DCC: variants seen among roughly 807,000 people sequenced by gnomAD.
DCC encodes the protein netrin receptor DCC.
A neutral mutation model predicts 172.5 loss-of-function variants in DCC; 58 were observed. That is an observed-to-expected ratio of 0.34 (90% CI 0.27 to 0.42). DCC has a LOEUF of 0.42. Among genes scored for constraint, DCC ranks in the 10% least tolerant of loss-of-function variants. The pLI is 1.00. For synonymous variants in DCC, 709 were observed against 644.5 expected (o/e 1.10, Z -1.52); for missense variants, 1,740 against 1,791.0 (o/e 0.97, Z 0.51).
chr18:53,295,855 C>T (rs770478921), intron 12 of DCC, among the ~76,000 whole-genome samples: 57 of 152,262 alleles, frequency 3.7e-4, no homozygotes, highest in Admixed American at 6.5e-4. Flanking sequence ...ACTTGTCCTC[C>T]TTTGCATTTG....
intron 2 of DCC, among the ~76,000 whole-genome samples, chr18:52,827,008 T>C (rs948077709): frequency 6.6e-6 from 1 of 152,206 alleles, no homozygotes; most frequent in African/African-American, 2.4e-5. Flanking sequence ...TTAGGGTATA[T>C]GGGTGGATGC....
At chr18:52,459,568 T>C (rs571990888) in intron 1 of DCC, among the ~76,000 whole-genome samples, 8 of 151,994 alleles carry the variant, frequency 5.3e-5, no homozygotes, top group South Asian at 2.1e-4. Flanking sequence ...CCCGGGTTCA[T>C]GCCATTCTTC....
chr18:53,500,218 G>A (rs890452506), intron 27 of DCC, among the ~76,000 whole-genome samples: 12 of 152,246 alleles, frequency 7.9e-5, no homozygotes, highest in Admixed American at 3.9e-4. Flanking sequence ...TGAGGAGGGG[G>A]AGAGAGAGGC....
At chr18:53,430,007 G>A (rs1324737448) in intron 21 of DCC, among the ~76,000 whole-genome samples, 1 of 152,122 alleles carries the variant, frequency 6.6e-6, no homozygotes, top group Non-Finnish European at 1.5e-5. Flanking sequence ...CTGGTAAACC[G>A]ATCTTTTAGA....
chr18:52,491,446 A>G (rs1228781344), intron 1 of DCC, among the ~76,000 whole-genome samples: 2 of 152,120 alleles, frequency 1.3e-5, no homozygotes, highest in African/African-American at 4.8e-5. Flanking sequence ...ATCTTAGGAG[A>G]TAGGGAGAAG....
At chr18:53,271,529 G>A (rs2056749345) in intron 12 of DCC, among the ~76,000 whole-genome samples, 1 of 152,142 alleles carries the variant, frequency 6.6e-6, no homozygotes, top group East Asian at 1.9e-4. Flanking sequence ...TCATACATTT[G>A]GCTGTTGGCA....
chr18:53,406,155 C>T (rs1175994895), intron 19 of DCC, among the ~76,000 whole-genome samples: 2 of 152,122 alleles, frequency 1.3e-5, no homozygotes, highest in Non-Finnish European at 2.9e-5. Flanking sequence ...AGATTGTTTC[C>T]TTATTAATAC....
intron 1 of DCC, among the ~76,000 whole-genome samples, chr18:52,527,266 C>A (rs1354649078): frequency 2.0e-5 from 3 of 152,170 alleles, no homozygotes; most frequent in Non-Finnish European, 1.5e-5. Flanking sequence ...TATCCACATA[C>A]TGTATTCAGT....
chr18:52,898,371 G>T (rs892603755), intron 2 of DCC, among the ~76,000 whole-genome samples: 1 of 152,192 alleles, frequency 6.6e-6, no homozygotes, highest in Non-Finnish European at 1.5e-5. Flanking sequence ...GGCCCATTCT[G>T]GGGGTGTGTG....
At chr18:53,163,974 TAAA>T (rs893968786) in intron 8 of DCC, among the ~76,000 whole-genome samples, 14 of 152,256 alleles carry the variant, frequency 9.2e-5, no homozygotes, top group African/African-American at 3.4e-4. Flanking sequence ...AGATGAGACT[TAAA>T]GAAGAAGTTT....
chr18:52,871,593 T>C (rs1045825381), intron 2 of DCC, among the ~76,000 whole-genome samples: 6 of 152,174 alleles, frequency 3.9e-5, no homozygotes, highest in Non-Finnish European at 8.8e-5. Context: ...TAGCTGGGAC[T>C]ACAGGTGCAC....
Position 52,363,346 on chromosome 18 carries a change from A to G in DCC, c.91+22468A>G, listed in dbSNP as rs144625324. ...AGCTCTTATATTTTGATATGAGAAT[A>G]TGGAAGTGCCAATCAGGTTCATGAG... is the stretch of plus-strand genomic sequence containing the variant. On this transcript the variant is annotated intron_variant, in intron 1 of 28. Transcript: ENST00000442544. Among the ~76,000 whole-genome samples the G allele has an allele frequency of 2.9e-3, 437 of 152,346 alleles. 1 individual carries two copies. The highest frequency in any genetic ancestry group is 9.5e-3 in the Admixed American group (145 of 15,300).
chr18:52,777,175 T>C (rs1399719830), intron 2 of DCC, among the ~76,000 whole-genome samples: 1 of 152,246 alleles, frequency 6.6e-6, no homozygotes, highest in Non-Finnish European at 1.5e-5. Flanking sequence ...ATCTCAGTCC[T>C]GTCCTTAACT....
chr18:53,499,254 C>T, intron 26 of DCC, 44 bp from the exon 27 acceptor site: 1 of 1,600,938 alleles, frequency 6.2e-7, no homozygotes, highest in Non-Finnish European at 8.6e-7. Context: ...GGAAAACAGA[C>T]TTTGTCCAGG....
At position 53,499,441 on chromosome 18, in the gene DCC, C is replaced by T; in HGVS notation, c.4042C>T (p.Pro1348Ser). 6.2e-7 allele frequency: 1 copy of T among 1,614,148 alleles called. No homozygotes were observed. The highest frequency in any genetic ancestry group is 8.5e-7 in the Non-Finnish European group (1 of 1,180,006). ...PTHPLRSFAN[P>S]LLPPPMSAIE... is the part of the protein sequence containing the mutation. ...TCACCCACTCCGCAGCTTTGCTAAT[C>T]CTTTGCTACCTCCACCAATGAGTGC... The change falls in exon 27 of 29, where the codon CCT (proline) becomes TCT (serine). Residue 1348 changes from proline to serine, a missense_variant. Transcript: ENST00000442544.
At chr18:52,977,788 C>T (rs138716200) in intron 5 of DCC, among the ~76,000 whole-genome samples, 11 of 150,820 alleles carry the variant, frequency 7.3e-5, no homozygotes, top group East Asian at 3.9e-4. Context: ...GTGAGGCTGA[C>T]GCAGGAGAAT....
At chr18:53,383,418 A>T (rs1045281728) in intron 15 of DCC, among the ~76,000 whole-genome samples, 1 of 151,282 alleles carries the variant, frequency 6.6e-6, no homozygotes, top group Non-Finnish European at 1.5e-5. Flanking sequence ...CACAGCATTT[A>T]TGCTTTTCTG....
intron 27 of DCC, among the ~76,000 whole-genome samples, chr18:53,517,445 T>TAATAA (rs1370254515): frequency 4.5e-5 from 6 of 134,442 alleles, no homozygotes; most frequent in African/African-American, 1.8e-4. Context: ...ACTTAAAATA[T>TAATAA]AATAATAATA....
intron 1 of DCC, among the ~76,000 whole-genome samples, chr18:52,470,438 T>C (rs1221975): frequency 0.13 from 20,205 of 152,222 alleles, 1,769 homozygotes; most frequent in Middle Eastern, 0.21. Context: ...TCCTAGATTA[T>C]TCTGTGTGAC....
Sources: gnomAD v4.1 joint callset for allele counts (sites outside exome capture counted in the v4.1 genomes callset) on GRCh38, gnomAD v4.1.1 for gene constraint, MANE v1.5 for transcripts, NCBI Gene and HGNC (gene_info 2026-07-23, HGNC 2026-07-21) for gene names.